Variants in EMSY observed in about 807,000 individuals in gnomAD.
EMSY encodes BRCA2-interacting transcriptional repressor EMSY.
In EMSY, 26 loss-of-function variants were observed where a neutral mutation model predicts 134.6. The ratio of observed to expected loss-of-function variants is 0.19; its 90% confidence interval spans 0.14 to 0.27. The LOEUF is 0.27. Among genes scored for constraint, EMSY ranks in the 10% least tolerant of loss-of-function variants. The pLI is 1.00. For missense variants in EMSY, 1,305 were observed against 1,611.4 expected (o/e 0.81, Z 3.26); for synonymous variants, 579 against 577.8 (o/e 1.00, Z -0.03).
intron 20 of EMSY, among the ~76,000 whole-genome samples, chr11:76,548,714 GAAAC>G (rs1318916241): frequency 6.6e-6 from 1 of 152,198 alleles, no homozygotes; most frequent in Non-Finnish European, 1.5e-5. Context: ...AAAAGAAGCA[GAAAC>G]AAACAAACAG....
chr11:76,492,492 C>A (rs1949463266), intron 8 of EMSY, among the ~76,000 whole-genome samples: 1 of 152,120 alleles, frequency 6.6e-6, no homozygotes, highest in South Asian at 2.1e-4. Flanking sequence ...TAAATAAATA[C>A]AATTCTCTGA....
intron 7 of EMSY, among the ~76,000 whole-genome samples, chr11:76,465,143 T>C (rs192541536): frequency 3.9e-5 from 6 of 152,364 alleles, no homozygotes; most frequent in Middle Eastern, 3.4e-3. Context: ...TCTTGAGTTA[T>C]TTGATTTGTC....
At chr11:76,470,941 A>T (rs994788630) in intron 7 of EMSY, among the ~76,000 whole-genome samples, 1 of 152,108 alleles carries the variant, frequency 6.6e-6, no homozygotes, top group South Asian at 2.1e-4. Context: ...TCACTAAATC[A>T]TCTACAGTTT....
In EMSY at chr11:76,473,671, C is replaced by T. The variant is rs182923154; in HGVS notation, c.1108+831C>T. ...ATATTAACTGAAGAGCAACTGAGAC[C>T]TGAACTCAAGGGCAATTGCTGCTTA... On this transcript the variant is annotated intron_variant, in intron 8 of 20. Coordinates refer to ENST00000334736, the Ensembl canonical transcript of EMSY. Among the ~76,000 whole-genome samples, 26 of 152,210 alleles carry T rather than the reference C, an allele frequency of 1.7e-4. No individual in the cohort carries two copies. The East Asian group carries it at 3.7e-3, about 22-fold the overall frequency.
intron 8 of EMSY, among the ~76,000 whole-genome samples, chr11:76,476,856 T>A (rs1299943747): frequency 6.6e-6 from 1 of 152,178 alleles, no homozygotes; most frequent in East Asian, 1.9e-4. Context: ...TCATTACTAC[T>A]GTATTGGTCA....
At chr11:76,456,390 A>G (rs1171284705) in intron 4 of EMSY, among the ~76,000 whole-genome samples, 2 of 152,188 alleles carry the variant, frequency 1.3e-5, no homozygotes, top group African/African-American at 4.8e-5. Flanking sequence ...ATGTGCTTCA[A>G]ATTATTAATC....
At chr11:76,532,191 T>C (rs1841024492) in intron 14 of EMSY, among the ~76,000 whole-genome samples, 1 of 152,164 alleles carries the variant, frequency 6.6e-6, no homozygotes, top group African/African-American at 2.4e-5. Flanking sequence ...TTCATCTTCA[T>C]ACATATCTGG....
chr11:76,450,489 C>CA (rs906713603), intron 2 of EMSY, among the ~76,000 whole-genome samples: 2 of 142,608 alleles, frequency 1.4e-5, no homozygotes, highest in African/African-American at 2.6e-5. Context: ...ACAGACATTC[C>CA]TTTTTTTTTT....
At chr11:76,486,106 A>G (rs1949168807) in intron 8 of EMSY, among the ~76,000 whole-genome samples, 2 of 152,226 alleles carry the variant, frequency 1.3e-5, no homozygotes, top group South Asian at 2.1e-4. Context: ...TTGCGGGGAC[A>G]TGCATGAAGC....
intron 14 of EMSY, among the ~76,000 whole-genome samples, chr11:76,531,558 T>C (rs1186186156): frequency 6.6e-6 from 1 of 152,170 alleles, no homozygotes; most frequent in Non-Finnish European, 1.5e-5. Flanking sequence ...AAACATGATG[T>C]CAGTTTGTCC....
At chr11:76,542,761 T>TTTTTG (rs1951494236) in intron 18 of EMSY, among the ~76,000 whole-genome samples, 1 of 151,384 alleles carries the variant, frequency 6.6e-6, no homozygotes, top group African/African-American at 2.4e-5. Context: ...TTGTTTTTTT[T>TTTTTG]TTTTTTTGCT....
At chr11:76,465,794 TA>T (rs1948327259) in intron 7 of EMSY, among the ~76,000 whole-genome samples, 3 of 152,276 alleles carry the variant, frequency 2.0e-5, no homozygotes, top group African/African-American at 4.8e-5. Flanking sequence ...AAATAGGCAC[TA>T]AAAAGGTGAC....
intron 14 of EMSY, among the ~76,000 whole-genome samples, chr11:76,529,871 C>T (rs1950970638): frequency 2.0e-5 from 3 of 152,184 alleles, no homozygotes; most frequent in South Asian, 4.1e-4. Flanking sequence ...AGTCAATTAT[C>T]TGCTGATTAC....
At chr11:76,520,652 A>G (rs900358106) in intron 11 of EMSY, among the ~76,000 whole-genome samples, 2 of 152,196 alleles carry the variant, frequency 1.3e-5, no homozygotes, top group Non-Finnish European at 2.9e-5. Flanking sequence ...AGAGCATGTT[A>G]CCTTGGACTA....
At chr11:76,493,798 A>G (rs1214460106) in intron 8 of EMSY, among the ~76,000 whole-genome samples, 1 of 152,188 alleles carries the variant, frequency 6.6e-6, no homozygotes, top group Admixed American at 6.5e-5. Context: ...TTCTTCCTGG[A>G]TGCGAGACAA....
At chr11:76,477,786 A>C (rs75671412) in intron 8 of EMSY, among the ~76,000 whole-genome samples, 2,589 of 152,276 alleles carry the variant, frequency 0.017, 50 homozygotes, top group East Asian at 0.093. Context: ...TTATCTCTCA[A>C]ATCCATTCTC....
intron 11 of EMSY, 98 bp from the exon 13 acceptor site, chr11:76,523,057 A>G: frequency 1.7e-6 from 2 of 1,205,582 alleles, no homozygotes; most frequent in Non-Finnish European, 2.3e-6. Context: ...TCTAGGAATG[A>G]CATTTACTAT....
chr11:76,454,819 G>T, intron 4 of EMSY, 29 bp downstream of exon 5: 1 of 1,392,720 alleles, frequency 7.2e-7, no homozygotes, highest in African/African-American at 1.5e-5. Flanking sequence ...ATTATTTCAG[G>T]CTTTTTCTTG....
intron 4 of EMSY, among the ~76,000 whole-genome samples, chr11:76,457,090 T>G (rs1947902374): frequency 6.6e-6 from 1 of 152,068 alleles, no homozygotes. Context: ...ATACATGTAA[T>G]ATGTTTAGAA....
Sources: gnomAD v4.1 joint callset for allele counts (sites outside exome capture counted in the v4.1 genomes callset) on GRCh38, gnomAD v4.1.1 for gene constraint, MANE v1.5 for transcripts, NCBI Gene and HGNC (gene_info 2026-07-23, HGNC 2026-07-21) for gene names.